Variants in NKAIN2 observed in about 807,000 individuals in gnomAD.
NKAIN2 encodes sodium/potassium transporting ATPase interacting 2, also known as sodium/potassium-transporting ATPase subunit beta-1-interacting protein 2.
Under a neutral mutation model 32.6 loss-of-function variants are expected in NKAIN2, and 14 were observed. The observed-to-expected ratio is 0.43, with a 90% CI of 0.28 to 0.67. The LOEUF (loss-of-function observed/expected upper bound fraction) is 0.67. Among genes scored for constraint, NKAIN2 ranks in the 30% least tolerant of loss-of-function variants. The pLI, the probability that NKAIN2 is intolerant of heterozygous loss-of-function variation, is 0.17. For missense variants in NKAIN2, 198 were observed against 258.3 expected, an observed-to-expected ratio of 0.77 and a Z score of 1.60; for synonymous variants, 80 against 87.2, an observed-to-expected ratio of 0.92 and a Z score of 0.46.
intron 1 of NKAIN2, among the ~76,000 whole-genome samples, chr6:124,107,012 A>C (rs1019622652): frequency 6.6e-6 from 1 of 152,184 alleles, no homozygotes; most frequent in Non-Finnish European, 1.5e-5. Flanking sequence ...AGAAAGTGCC[A>C]AGGGTTCACA....
chr6:124,415,865 CTTTTTTTATTTGCT>C (rs1215427081), intron 3 of NKAIN2, among the ~76,000 whole-genome samples: 2 of 79,000 alleles, frequency 2.5e-5, no homozygotes, highest in African/African-American at 8.4e-5. Flanking sequence ...TTTTAATTTG[CTTTTTTTATTTGCT>C]TTTTTTTTTT....
intron 3 of NKAIN2, among the ~76,000 whole-genome samples, chr6:124,574,296 A>C (rs1781244777): frequency 8.4e-6 from 1 of 119,052 alleles, no homozygotes; most frequent in Non-Finnish European, 1.8e-5. Context: ...CTGCTAAGGC[A>C]AACAAACAGA....
intron 3 of NKAIN2, among the ~76,000 whole-genome samples, chr6:124,598,375 A>G (rs1428157186): frequency 6.6e-6 from 1 of 152,166 alleles, no homozygotes; most frequent in Non-Finnish European, 1.5e-5. Flanking sequence ...TGTCCAAAGT[A>G]CCAGTAAGTT....
At chr6:124,403,485 A>G (rs1178968896) in intron 3 of NKAIN2, among the ~76,000 whole-genome samples, 3 of 152,176 alleles carry the variant, frequency 2.0e-5, no homozygotes, top group Non-Finnish European at 4.4e-5. Context: ...GTTATTCTCC[A>G]AAGTTATTTC....
intron 3 of NKAIN2, among the ~76,000 whole-genome samples, chr6:124,407,954 G>T (rs1773947691): frequency 6.6e-6 from 1 of 151,738 alleles, no homozygotes; most frequent in Non-Finnish European, 1.5e-5. Flanking sequence ...CAGTGATGAT[G>T]AGCATTTTTT....
chr6:124,025,448 T>C (rs1288152468), intron 1 of NKAIN2, among the ~76,000 whole-genome samples: 1 of 119,836 alleles, frequency 8.3e-6, no homozygotes, highest in African/African-American at 3.6e-5. Context: ...TGAGAAGCAA[T>C]GAATGGAAAG....
At chr6:124,662,887 A>G (rs1784798620) in intron 4 of NKAIN2, among the ~76,000 whole-genome samples, 1 of 152,144 alleles carries the variant, frequency 6.6e-6, no homozygotes, top group Admixed American at 6.5e-5. Context: ...CACGTCACCT[A>G]GAATATTGCC....
intron 1 of NKAIN2, among the ~76,000 whole-genome samples, chr6:124,074,365 A>G (rs1343947850): frequency 1.3e-5 from 2 of 152,166 alleles, no homozygotes; most frequent in Non-Finnish European, 1.5e-5. Context: ...CAGTGAGCCA[A>G]TCTTATCATT....
intron 3 of NKAIN2, among the ~76,000 whole-genome samples, chr6:124,533,894 C>T (rs1394278519): frequency 6.6e-6 from 1 of 152,112 alleles, no homozygotes; most frequent in Non-Finnish European, 1.5e-5. Context: ...TGTCCTCACA[C>T]GTATGAAGGA....
intron 2 of NKAIN2, among the ~76,000 whole-genome samples, chr6:124,303,314 C>G (rs1796374353): frequency 6.6e-6 from 1 of 152,084 alleles, no homozygotes; most frequent in Admixed American, 6.6e-5. Context: ...GCAAACAAAT[C>G]CAGTTTGTTG....
At position 124,348,655 on chromosome 6, in the gene NKAIN2, C is replaced by T. The variant is rs894969514; in HGVS notation, c.193-6612C>T. ...ATAGGAACAGCTCCGGTCTACAGCT[C>T]CCAGCATGAGCGACGCAGAAGATGG... On this transcript the variant is annotated intron_variant, in intron 2 of 6. Coordinates refer to ENST00000368417, the MANE Select transcript of NKAIN2 (RefSeq NM_001040214.3). Among the ~76,000 whole-genome samples the T allele has an allele frequency of 3.9e-5, 6 of 152,336 alleles. No homozygotes were observed. The East Asian group carries it at 5.8e-4, about 15-fold the overall frequency.
At chr6:124,621,325 C>T (rs992405267) in intron 3 of NKAIN2, among the ~76,000 whole-genome samples, 15 of 152,336 alleles carry the variant, frequency 9.8e-5, no homozygotes, top group Admixed American at 9.2e-4. Context: ...TGTATCAAGA[C>T]ACTTTGGGTT....
rs560513183 is a variant in NKAIN2 at position 124,354,962 on chromosome 6, C to T, written c.193-305C>T. Among the ~76,000 whole-genome samples the T allele has an allele frequency of 1.3e-3, 199 of 150,318 alleles. 1 individual carries two copies. Among genetic ancestry groups the T allele is most frequent in the Non-Finnish European group, 1.9e-3 (127 of 67,720 alleles). On this transcript the variant is annotated intron_variant, in intron 2 of 6. Coordinates refer to ENST00000368417, the MANE Select transcript of NKAIN2 (RefSeq NM_001040214.3). ...GTGCGCACCTGTAGTCCCAGCTATT[C>T]GGGAGGCTGAGGGTGGAGAATCACT...
At chr6:124,413,868 A>C (rs1774337584) in intron 3 of NKAIN2, among the ~76,000 whole-genome samples, 1 of 152,110 alleles carries the variant, frequency 6.6e-6, no homozygotes, top group South Asian at 2.1e-4. Flanking sequence ...GCTGATTTTT[A>C]TATTGACATT....
chr6:124,725,832 G>A (rs527968565), intron 4 of NKAIN2, among the ~76,000 whole-genome samples: 74 of 152,302 alleles, frequency 4.9e-4, no homozygotes, highest in African/African-American at 1.5e-3. Context: ...GACAGTGGGC[G>A]CAGGTCAGTG....
At chr6:124,723,029 G>A (rs1015593777) in intron 4 of NKAIN2, among the ~76,000 whole-genome samples, 4 of 152,078 alleles carry the variant, frequency 2.6e-5, no homozygotes, top group East Asian at 1.9e-4. Context: ...ATATGTTAAC[G>A]GGTGCCTGAG....
chr6:124,047,113 T>C (rs1167284812), intron 1 of NKAIN2, among the ~76,000 whole-genome samples: 1 of 152,008 alleles, frequency 6.6e-6, no homozygotes, highest in African/African-American at 2.4e-5. Flanking sequence ...ATATACTTTT[T>C]TGTTAACCCT....
intron 1 of NKAIN2, among the ~76,000 whole-genome samples, chr6:124,063,954 ATT>A (rs200135178): frequency 1.6e-4 from 23 of 146,376 alleles, no homozygotes; most frequent in African/African-American, 4.7e-4. Context: ...AAAACATATA[ATT>A]TTTTTTTTTT....
At chr6:124,349,213 A>G (rs1166188042) in intron 2 of NKAIN2, among the ~76,000 whole-genome samples, 1 of 152,018 alleles carries the variant, frequency 6.6e-6, no homozygotes, top group Non-Finnish European at 1.5e-5. Flanking sequence ...TCAGCAAAGC[A>G]AGAGAGTCCT....
Sources: allele counts gnomAD v4.1 joint callset (sites outside exome capture counted in the v4.1 genomes callset), GRCh38; gene constraint gnomAD v4.1.1; transcripts MANE v1.5; gene names NCBI Gene and HGNC (gene_info 2026-07-23, HGNC 2026-07-21).